Variants in SORCS2 observed in about 807,000 individuals in gnomAD.
The protein encoded by SORCS2 is VPS10 domain-containing receptor SorCS2.
In SORCS2, 100 loss-of-function variants were observed where a neutral mutation model predicts 141.6. The observed-to-expected ratio is 0.71, with a 90% CI of 0.60 to 0.83. The LOEUF is 0.83. Ranked by LOEUF, SORCS2 falls within the 40% of genes least tolerant of loss-of-function variation. SORCS2 has a pLI of 0.00. For missense variants in SORCS2, 1,646 were observed against 1,560.2 expected (o/e 1.05, Z -0.93); for synonymous variants, 789 against 676.9 (o/e 1.17, Z -2.57).
chr4:7,675,999 G>T, intron 8 of SORCS2, 51 bp from the exon 9 acceptor site: 7 of 1,541,010 alleles, frequency 4.5e-6, no homozygotes, highest in Non-Finnish European at 6.1e-6. Flanking sequence ...TTCCTCCCTC[G>T]TGCAGCCCCC....
chr4:7,558,001 GATGCA>G (rs1714261321), intron 3 of SORCS2, among the ~76,000 whole-genome samples: 2 of 152,310 alleles, frequency 1.3e-5, no homozygotes, highest in Admixed American at 1.3e-4. Context: ...AGTTCAGCCA[GATGCA>G]GTTCACAGTG....
At chr4:7,265,769 G>A (rs1225592552) in intron 1 of SORCS2, among the ~76,000 whole-genome samples, 2 of 152,168 alleles carry the variant, frequency 1.3e-5, no homozygotes, top group Admixed American at 6.5e-5. Flanking sequence ...TTTTCCAAAT[G>A]AGGCCACGTT....
At chr4:7,653,498 C>T (rs1026879106) in intron 4 of SORCS2, among the ~76,000 whole-genome samples, 20 of 152,344 alleles carry the variant, frequency 1.3e-4, no homozygotes, top group Non-Finnish European at 2.5e-4. Context: ...CCGCCTCGAC[C>T]TCCCAAGGTG....
intron 1 of SORCS2, among the ~76,000 whole-genome samples, chr4:7,247,360 T>C (rs1457793450): frequency 6.6e-6 from 1 of 152,148 alleles, no homozygotes; most frequent in East Asian, 1.9e-4. Context: ...ATGAAATCCA[T>C]TATCTGGTTT....
At chr4:7,727,738 C>T (rs77588516) in intron 21 of SORCS2, among the ~76,000 whole-genome samples, 4,821 of 152,272 alleles carry the variant, frequency 0.032, 268 homozygotes, top group African/African-American at 0.11. Flanking sequence ...TGCACAGCCT[C>T]CTCCCACTTT....
intron 1 of SORCS2, among the ~76,000 whole-genome samples, chr4:7,205,917 A>G (rs1270374185): frequency 1.3e-5 from 2 of 152,128 alleles, no homozygotes; most frequent in African/African-American, 4.8e-5. Flanking sequence ...ATGGTGGCAG[A>G]CGCCTATAAT....
intron 16 of SORCS2, 102 bp from the exon 17 acceptor site, chr4:7,715,081 C>G: frequency 6.6e-7 from 1 of 1,512,608 alleles, no homozygotes; most frequent in Non-Finnish European, 9.0e-7. Context: ...AGGCCCTTGA[C>G]ATGAGGTTCC....
intron 3 of SORCS2, among the ~76,000 whole-genome samples, chr4:7,625,718 G>A (rs1719473995): frequency 6.6e-6 from 1 of 151,864 alleles, no homozygotes; most frequent in African/African-American, 2.4e-5. Flanking sequence ...GTGAGATGAA[G>A]GAAGGAGAGA....
chr4:7,390,688 T>C (rs1010816021), intron 1 of SORCS2, among the ~76,000 whole-genome samples: 2 of 152,132 alleles, frequency 1.3e-5, no homozygotes, highest in Non-Finnish European at 2.9e-5. Context: ...TTCCCTTGGA[T>C]GGTGAATGGT....
chr4:7,526,511 G>A (rs1577698551), intron 2 of SORCS2, among the ~76,000 whole-genome samples: 1 of 151,982 alleles, frequency 6.6e-6, no homozygotes, highest in African/African-American at 2.4e-5. Flanking sequence ...GGAGGCGGGC[G>A]GGGTGAGGGG....
chr4:7,308,734 C>CAT (rs1717996419), intron 1 of SORCS2, among the ~76,000 whole-genome samples: 5 of 152,106 alleles, frequency 3.3e-5, no homozygotes, highest in South Asian at 4.2e-4. Context: ...AGCACCCTGT[C>CAT]CTCTCTCTCC....
chr4:7,330,395 C>G (rs1246795865), intron 1 of SORCS2, among the ~76,000 whole-genome samples: 2 of 151,946 alleles, frequency 1.3e-5, no homozygotes, highest in Non-Finnish European at 2.9e-5. Flanking sequence ...CAGCTGTGCC[C>G]AAAGGTGCCT....
intron 11 of SORCS2, among the ~76,000 whole-genome samples, chr4:7,693,617 G>C (rs914110743): frequency 6.6e-6 from 1 of 152,218 alleles, no homozygotes; most frequent in African/African-American, 2.4e-5. Flanking sequence ...GCAGAGGCCA[G>C]TGAACACTTC....
chr4:7,348,897 C>T (rs1237035274), intron 1 of SORCS2, among the ~76,000 whole-genome samples: 4 of 152,142 alleles, frequency 2.6e-5, no homozygotes, highest in African/African-American at 9.7e-5. Context: ...GTTTTGCTGT[C>T]GGAAAGCGAC....
At chr4:7,198,540 G>A (rs944114481) in intron 1 of SORCS2, among the ~76,000 whole-genome samples, 1 of 152,162 alleles carries the variant, frequency 6.6e-6, no homozygotes, top group Non-Finnish European at 1.5e-5. Context: ...GGCCCCCGGT[G>A]GCTGAGCTGT....
chr4:7,480,002 G>A (rs1730533467), intron 2 of SORCS2, among the ~76,000 whole-genome samples: 1 of 152,230 alleles, frequency 6.6e-6, no homozygotes, highest in African/African-American at 2.4e-5. Flanking sequence ...AGAAGCTCAG[G>A]GTCTGCTTAG....
At chr4:7,317,378 C>T (rs914595213) in intron 1 of SORCS2, among the ~76,000 whole-genome samples, 3 of 152,228 alleles carry the variant, frequency 2.0e-5, no homozygotes, top group Non-Finnish European at 4.4e-5. Flanking sequence ...GGTACCTCTG[C>T]GTCAACGGAG....
intron 2 of SORCS2, among the ~76,000 whole-genome samples, chr4:7,424,645 G>A (rs981466781): frequency 2.0e-5 from 3 of 152,154 alleles, no homozygotes; most frequent in Non-Finnish European, 2.9e-5. Context: ...TGTGACCCCC[G>A]CACTCCGCAG....
intron 1 of SORCS2, among the ~76,000 whole-genome samples, chr4:7,360,681 C>T (rs1382131806): frequency 2.7e-5 from 4 of 146,392 alleles, no homozygotes; most frequent in South Asian, 2.2e-4. Flanking sequence ...CAGGCTCAAG[C>T]GATCGATCCT....
Sources: gnomAD v4.1 joint callset for allele counts (sites outside exome capture counted in the v4.1 genomes callset) on GRCh38, gnomAD v4.1.1 for gene constraint, MANE v1.5 for transcripts, NCBI Gene and HGNC (gene_info 2026-07-23, HGNC 2026-07-21) for gene names.